Variants in SLC2A1 observed in about 807,000 individuals in gnomAD.
The protein encoded by SLC2A1 is solute carrier family 2 member 1.
A neutral mutation model predicts 46.6 loss-of-function variants in SLC2A1; 4 were observed. That is an observed-to-expected ratio of 0.09 (90% CI 0.04 to 0.20). The LOEUF (loss-of-function observed/expected upper bound fraction) is 0.20. Ranked by LOEUF, SLC2A1 falls within the 10% of genes least tolerant of loss-of-function variation. The probability of loss-of-function intolerance (pLI) is 1.00; values close to 1 mark genes in which losing one functional copy is unlikely to be tolerated. For missense variants in SLC2A1, 352 were observed against 667.0 expected (o/e 0.53, Z 5.20); for synonymous variants, 253 against 270.0 (o/e 0.94, Z 0.62).
In SLC2A1 at chr1:42,943,217, A is replaced by G; in HGVS notation, c.114+9T>C. On this transcript the variant is annotated intron_variant, in intron 2 of 9. Transcript: ENST00000426263. The stretch of plus-strand genomic sequence containing the variant: ...GGTGTCCATAAGCCAACGATGGCAC[A>G]GTACTCACCTTCTGGGGGGCATTGA... 6.3e-7 allele frequency: 1 copy of G among 1,595,164 alleles called. No homozygotes were observed. Among genetic ancestry groups the G allele is most frequent in the Non-Finnish European group, 8.6e-7 (1 of 1,163,282 alleles).
chr1:42,940,285 G>A (rs1057141401), intron 2 of SLC2A1, among the ~76,000 whole-genome samples: 8 of 152,222 alleles, frequency 5.3e-5, no homozygotes, highest in African/African-American at 1.9e-4. Flanking sequence ...CAGTCAGCCC[G>A]AGTGGCCACA....
In SLC2A1 at chr1:42,935,285, G is replaced by A. The variant is rs553057240; in HGVS notation, c.115-4079C>T. 2.6e-4 allele frequency among the ~76,000 whole-genome samples: 40 copies of A among 152,264 alleles called. No individual in the cohort carries two copies. In the South Asian group the frequency reaches 5.4e-3, roughly 21 times the overall value. Reference sequence around the variant, plus strand: ...CTTTGAACCGGATGGCTTCTGGTACGCGAAGCTATTCCTCACCCGGTGGCT... The same window carrying A: ...CTTTGAACCGGATGGCTTCTGGTACACGAAGCTATTCCTCACCCGGTGGCT... On this transcript the variant is annotated intron_variant, in intron 2 of 9. Coordinates refer to ENST00000426263, the MANE Select transcript of SLC2A1 (RefSeq NM_006516.4).
At position 42,926,588 on chromosome 1, in the gene SLC2A1, A is replaced by G. The variant is rs1224247205; in HGVS notation, c.*453T>C. The G allele has an allele frequency of 2.6e-6, 2 of 778,106 alleles. No homozygotes were observed. Among genetic ancestry groups the G allele is most frequent in the East Asian group, 1.3e-4 (2 of 15,114 alleles). The allele number at this position is 778,106 out of a possible 1,614,324, so 48.2% of individuals were successfully genotyped here. ...ATCCAGGCCAGCAGAACGGGTGGCC[A>G]TAGCCACCTCCTGGGATAGAAGCTT... On this transcript the variant is annotated 3_prime_UTR_variant, in exon 10 of 10. Coordinates refer to ENST00000426263, the MANE Select transcript of SLC2A1 (RefSeq NM_006516.4).
At chr1:42,933,000 A>G (rs1643508064) in intron 2 of SLC2A1, among the ~76,000 whole-genome samples, 1 of 152,180 alleles carries the variant, frequency 6.6e-6, no homozygotes, top group African/African-American at 2.4e-5. Flanking sequence ...GGACACAACT[A>G]AATTCAGGTC....
At chr1:42,953,127 G>C (rs1195775558) in intron 1 of SLC2A1, among the ~76,000 whole-genome samples, 4 of 152,250 alleles carry the variant, frequency 2.6e-5, no homozygotes, top group Admixed American at 2.6e-4. Context: ...GACATAGGCA[G>C]ACTTCCTGTC....
rs1027506366 is a variant in SLC2A1 at position 42,935,085 on chromosome 1, G to T, written c.115-3879C>A. The stretch of plus-strand genomic sequence containing the variant: ...CTGTGGAGTCTGGGTGGCGGCAAGC[G>T]TGTTGAGGAGGGAGGAGCGGTTCTG... On this transcript the variant is annotated intron_variant, in intron 2 of 9. Transcript: ENST00000426263. Among the ~76,000 whole-genome samples, 5 of 152,236 alleles carry T rather than the reference G, an allele frequency of 3.3e-5. No individual in the cohort carries two copies. In the East Asian group the frequency reaches 9.6e-4, roughly 29 times the overall value.
At position 42,928,540 on chromosome 1, in the gene SLC2A1, C is replaced by T. The variant is rs1379450604; in HGVS notation, c.1074+392G>A. Among the ~76,000 whole-genome samples, 3 of 152,278 alleles carry T rather than the reference C, an allele frequency of 2.0e-5. No individual in the cohort carries two copies. In the East Asian group the frequency reaches 5.8e-4, roughly 29 times the overall value. ...GGAAGAACTGAACTACACCTCCAGT[C>T]GTGTGAACTGAATGAGGCAAGGCAT... is the stretch of plus-strand genomic sequence containing the variant. On this transcript the variant is annotated intron_variant, in intron 8 of 9. Transcript: ENST00000426263.
At chr1:42,946,855 A>G (rs533096240) in intron 1 of SLC2A1, among the ~76,000 whole-genome samples, 3 of 152,208 alleles carry the variant, frequency 2.0e-5, no homozygotes, top group African/African-American at 7.2e-5. Context: ...CTGGGCTTGG[A>G]AGCAGACCCA....
chr1:42,945,959 A>G (rs1279213093), intron 1 of SLC2A1, among the ~76,000 whole-genome samples: 1 of 152,240 alleles, frequency 6.6e-6, no homozygotes, highest in Admixed American at 6.5e-5. Context: ...AGCAATTTAA[A>G]TAAAAACATT....
At chr1:42,928,852 G>A in intron 8 of SLC2A1, 80 bp downstream of exon 8, 1 of 1,274,688 alleles carries the variant, frequency 7.8e-7, no homozygotes, top group Non-Finnish European at 1.1e-6. Context: ...TGCCAGCCTG[G>A]GGCTGAGACA....
intron 1 of SLC2A1, among the ~76,000 whole-genome samples, chr1:42,955,727 CA>C (rs1205379390): frequency 1.3e-5 from 2 of 152,158 alleles, no homozygotes; most frequent in Admixed American, 6.5e-5. Context: ...TGGGCATAGG[CA>C]AGGCTAGTTA....
chr1:42,930,876 G>C lies in SLC2A1; in HGVS notation c.276-10C>G, dbSNP rs746049837. The C allele has an allele frequency of 1.9e-6, 3 of 1,601,326 alleles. No homozygotes were observed. Among genetic ancestry groups the C allele is most frequent in the African/African-American group, 2.7e-5 (2 of 74,910 alleles). ...CAGCATTGAATTCCGCCTGGGGACG[G>C]GGTCACAGGTCAGGCCAGTGCCCAC... On this transcript the variant is annotated splice_polypyrimidine_tract_variant and intron_variant, in intron 3 of 9. Transcript: ENST00000426263. The surrounding 1 kb of genome is among the most constrained non-coding windows in gnomAD (Gnocchi z 6.2).
At chr1:42,957,921 T>C (rs111241580) in intron 1 of SLC2A1, among the ~76,000 whole-genome samples, 1,867 of 151,994 alleles carry the variant, frequency 0.012, 19 homozygotes, top group Non-Finnish European at 0.016. Flanking sequence ...GGAACACATC[T>C]CCGCGAGACT....
chr1:42,939,167 T>C (rs1367736477), intron 2 of SLC2A1, among the ~76,000 whole-genome samples: 2 of 152,208 alleles, frequency 1.3e-5, no homozygotes, highest in African/African-American at 2.4e-5. Flanking sequence ...GGCACAGGAG[T>C]CTCTCTGCCC....
chr1:42,929,780 A>G lies in SLC2A1; in HGVS notation c.680T>C (p.Val227Ala). The change falls in exon 6 of 10, where the codon GTG (valine) becomes GCG (alanine). Residue 227 changes from valine (V) to alanine (A), a missense_variant and splice_region_variant. Coordinates refer to ENST00000426263, the MANE Select transcript of SLC2A1 (RefSeq NM_006516.4). This position sits in a 1 kb window ranked among gnomAD's most constrained non-coding sequence, Gnocchi z 6.0. The stretch of plus-strand genomic sequence containing the variant: ...AGCTGTCCCGCGCAGCTTCTTTAGC[A>G]CTGGGGGGACCGGAGGGAAGGTGAG... The part of the protein sequence containing the change: ...NRNEENRAKS[V>A]LKKLRGTADV... The G allele has an allele frequency of 6.2e-7, 1 of 1,614,156 alleles. No homozygotes were observed. The highest frequency in any genetic ancestry group is 8.5e-7 in the Non-Finnish European group (1 of 1,180,016).
At chr1:42,947,635 T>A (rs1308176943) in intron 1 of SLC2A1, among the ~76,000 whole-genome samples, 6 of 142,212 alleles carry the variant, frequency 4.2e-5, no homozygotes, top group African/African-American at 1.6e-4. Flanking sequence ...CACATCTGTA[T>A]CACCTGAGCC....
Position 42,958,749 on chromosome 1 carries a change from G to T in SLC2A1, c.-98C>A. On this transcript the variant is annotated 5_prime_UTR_variant, in exon 1 of 10. Transcript: ENST00000426263. Reference sequence around the variant, plus strand: ...CGCTCAGGCTCGTGCTCCGGTCCGGGGACTCCCACTGCGACTCTGACTCCG... The same window carrying T: ...CGCTCAGGCTCGTGCTCCGGTCCGGTGACTCCCACTGCGACTCTGACTCCG... 1 of 1,285,242 alleles carries T rather than the reference G, an allele frequency of 7.8e-7. No homozygotes were observed. The highest frequency in any genetic ancestry group is 1.1e-6 in the Non-Finnish European group (1 of 928,134). The allele number at this position is 1,285,242 out of a possible 1,614,324, so 79.6% of individuals were successfully genotyped here.
intron 2 of SLC2A1, among the ~76,000 whole-genome samples, chr1:42,938,175 G>T (rs1643562504): frequency 6.6e-6 from 1 of 152,160 alleles, no homozygotes; most frequent in Non-Finnish European, 1.5e-5. Context: ...CAGTATGATG[G>T]TCAGGATTCC....
intron 1 of SLC2A1, among the ~76,000 whole-genome samples, chr1:42,955,058 G>A (rs1411319602): frequency 6.6e-6 from 1 of 152,138 alleles, no homozygotes; most frequent in African/African-American, 2.4e-5. Context: ...TGATTTACCT[G>A]ACTTAATACC....
Sources: allele counts gnomAD v4.1 joint callset (sites outside exome capture counted in the v4.1 genomes callset), GRCh38; gene constraint gnomAD v4.1.1; non-coding constraint Gnocchi (gnomAD v3.1); transcripts MANE v1.5; gene names NCBI Gene and HGNC (gene_info 2026-07-23, HGNC 2026-07-21).